The following GRID2 variants were observed in gnomAD, a reference collection of about 807,000 sequenced individuals.
GRID2 encodes the protein glutamate ionotropic receptor delta type subunit 2, also known as glutamate receptor ionotropic, delta-2.
In GRID2, 33 loss-of-function variants were observed where a neutral mutation model predicts 114.8. The ratio of observed to expected loss-of-function variants is 0.29; its 90% CI spans 0.22 to 0.38. The LOEUF is 0.38. Among genes scored for constraint, GRID2 ranks in the 10% least tolerant of loss-of-function variants. The pLI, the probability that GRID2 is intolerant of heterozygous loss-of-function variation, is 1.00. For synonymous variants in GRID2, 505 were observed against 449.9 expected (o/e 1.12, Z -1.55); for missense variants, 1,184 against 1,257.7 (o/e 0.94, Z 0.89).
intron 2 of GRID2, among the ~76,000 whole-genome samples, chr4:92,726,822 C>G (rs1234469260): frequency 3.3e-5 from 5 of 151,924 alleles, no homozygotes; most frequent in African/African-American, 1.2e-4. Context: ...ATTTGGTGCT[C>G]CTGTCTAGAA....
At chr4:93,763,695 G>A (rs926341463) in intron 14 of GRID2, among the ~76,000 whole-genome samples, 2 of 152,186 alleles carry the variant, frequency 1.3e-5, no homozygotes, top group African/African-American at 4.8e-5. Context: ...CTACAGCAGT[G>A]AGATTGTGTG....
intron 2 of GRID2, among the ~76,000 whole-genome samples, chr4:92,979,702 A>G (rs959711707): frequency 6.6e-6 from 1 of 152,188 alleles, no homozygotes; most frequent in African/African-American, 2.4e-5. Context: ...GTGTGAACCC[A>G]GCTTACAAGC....
chr4:93,115,014 C>T (rs142684899), intron 4 of GRID2, among the ~76,000 whole-genome samples: 23 of 151,934 alleles, frequency 1.5e-4, no homozygotes, highest in Admixed American at 1.4e-3. Context: ...AGTTGTGTCA[C>T]CAGACTCTTG....
chr4:92,509,048 C>T (rs1408500773), intron 1 of GRID2, among the ~76,000 whole-genome samples: 2 of 151,820 alleles, frequency 1.3e-5, no homozygotes, highest in Non-Finnish European at 2.9e-5. Context: ...GCCTGGGCGA[C>T]AGAGTGAGAC....
intron 1 of GRID2, among the ~76,000 whole-genome samples, chr4:92,344,421 T>A (rs1215040068): frequency 6.6e-6 from 1 of 152,232 alleles, no homozygotes; most frequent in Admixed American, 6.5e-5. Context: ...TTTCCCTTTA[T>A]TACCTAACAT....
At chr4:92,883,550 C>T (rs1209112165) in intron 2 of GRID2, among the ~76,000 whole-genome samples, 1 of 152,112 alleles carries the variant, frequency 6.6e-6, no homozygotes, top group Non-Finnish European at 1.5e-5. Context: ...TCTATGGTAG[C>T]TAGAGCCTTA....
chr4:93,145,644 C>CTTTTTT (rs10605313), intron 4 of GRID2, among the ~76,000 whole-genome samples: 8 of 45,706 alleles, frequency 1.8e-4, no homozygotes, highest in Non-Finnish European at 2.5e-4. Flanking sequence ...TTCTTTTTTC[C>CTTTTTT]TTTTTTTTTT....
At chr4:92,955,790 T>G (rs1328533896) in intron 2 of GRID2, among the ~76,000 whole-genome samples, 7 of 152,178 alleles carry the variant, frequency 4.6e-5, no homozygotes, top group Admixed American at 3.9e-4. Context: ...AATTGATTTT[T>G]GTATAAGGTG....
At chr4:92,854,552 G>GATGT (rs1461267901) in intron 2 of GRID2, among the ~76,000 whole-genome samples, 1 of 150,458 alleles carries the variant, frequency 6.6e-6, no homozygotes, top group Non-Finnish European at 1.5e-5. Context: ...TGTGAGTGAG[G>GATGT]ATGTGTGTGT....
intron 2 of GRID2, among the ~76,000 whole-genome samples, chr4:92,739,900 T>A (rs1736787224): frequency 6.6e-6 from 1 of 152,146 alleles, no homozygotes; most frequent in Non-Finnish European, 1.5e-5. Flanking sequence ...ATAAGAATAA[T>A]CAATCCAATT....
intron 2 of GRID2, among the ~76,000 whole-genome samples, chr4:92,605,495 C>T (rs1729413384): frequency 6.6e-6 from 1 of 151,882 alleles, no homozygotes; most frequent in Non-Finnish European, 1.5e-5. Context: ...AAACAAGTGA[C>T]ATAAAATAAT....
At chr4:93,235,698 A>G (rs1426841441) in intron 7 of GRID2, among the ~76,000 whole-genome samples, 1 of 152,114 alleles carries the variant, frequency 6.6e-6, no homozygotes, top group Non-Finnish European at 1.5e-5. Flanking sequence ...TAAGGAAGAT[A>G]AATCACAAAG....
At chr4:92,844,559 C>T (rs1743154722) in intron 2 of GRID2, among the ~76,000 whole-genome samples, 1 of 151,164 alleles carries the variant, frequency 6.6e-6, no homozygotes, top group African/African-American at 2.4e-5. Context: ...CATCATCATC[C>T]ACCTTTAAAT....
chr4:93,663,974 A>G (rs1370088254), intron 14 of GRID2, among the ~76,000 whole-genome samples: 3 of 152,188 alleles, frequency 2.0e-5, no homozygotes, highest in Non-Finnish European at 4.4e-5. Context: ...TACAAAGGAC[A>G]ATATAAGATA....
chr4:93,366,537 G>C (rs1438632294), intron 8 of GRID2, among the ~76,000 whole-genome samples: 2 of 151,962 alleles, frequency 1.3e-5, no homozygotes, highest in African/African-American at 4.8e-5. Context: ...ATTTCACCTG[G>C]GTCCTGTGGT....
In GRID2 at chr4:93,193,837, TCCA is replaced by T. The variant is rs1261353552; in HGVS notation, c.736-13566_736-13564del. Among the ~76,000 whole-genome samples the T allele has an allele frequency of 2.0e-5, 3 of 152,186 alleles. No individual in the cohort carries two copies. In the East Asian group the frequency reaches 5.8e-4, roughly 29 times the overall value. On this transcript the variant is annotated intron_variant, in intron 4 of 15. Transcript: ENST00000282020. The stretch of plus-strand genomic sequence containing the variant: ...GACGAAGAAAGTCTTGGCATACATC[TCCA>T]GGATACCCCCTGAATTATAGGCCAC...
At chr4:93,040,167 C>CA (rs1725367292) in intron 2 of GRID2, among the ~76,000 whole-genome samples, 1 of 151,756 alleles carries the variant, frequency 6.6e-6, no homozygotes, top group African/African-American at 2.4e-5. Context: ...TATAAACACT[C>CA]AATTTCATTT....
intron 4 of GRID2, among the ~76,000 whole-genome samples, chr4:93,197,572 A>T (rs1431716796): frequency 6.6e-6 from 1 of 152,196 alleles, no homozygotes; most frequent in Non-Finnish European, 1.5e-5. Context: ...GGACAGAATA[A>T]ATGTTGTCAA....
chr4:93,124,350 C>G (rs1349631968), intron 4 of GRID2, among the ~76,000 whole-genome samples: 1 of 152,144 alleles, frequency 6.6e-6, no homozygotes, highest in African/African-American at 2.4e-5. Context: ...TGAGCTCATG[C>G]ATTCTAAGCA....
Sources: allele counts gnomAD v4.1 joint callset (sites outside exome capture counted in the v4.1 genomes callset), GRCh38; gene constraint gnomAD v4.1.1; transcripts MANE v1.5; gene names NCBI Gene and HGNC (gene_info 2026-07-23, HGNC 2026-07-21).